The following GGA1 variants were observed in gnomAD, a reference collection of about 807,000 sequenced individuals.
GGA1 encodes the protein ADP-ribosylation factor-binding protein GGA1.
In GGA1, 18 loss-of-function variants were observed where a neutral mutation model predicts 76.9. The observed-to-expected ratio is 0.23, with a 90% confidence interval of 0.16 to 0.35. The LOEUF (loss-of-function observed/expected upper bound fraction) is 0.35. Ranked by LOEUF, GGA1 falls within the 10% of genes least tolerant of loss-of-function variation. The pLI is 1.00. For missense variants in GGA1, 755 were observed against 859.0 expected (o/e 0.88, Z 1.51); for synonymous variants, 342 against 354.7 (o/e 0.96, Z 0.40).
rs995784660 is a variant in GGA1, at chr22:37,614,041, G to A, written c.44-149G>A. On this transcript the variant is annotated intron_variant, in intron 1 of 16. Coordinates refer to ENST00000343632, the MANE Select transcript of GGA1 (RefSeq NM_013365.5). ...TCTACACCCACAATCAGGTCTTGAG[G>A]CTGTCTGGGCAGGAAGGCAGGGGGA... 10 of 646,172 alleles carry A rather than the reference G, an allele frequency of 1.5e-5. No homozygotes were observed. The Admixed American group carries it at 2.1e-4, about 13-fold the overall frequency. The allele number at this position is 646,172 out of a possible 1,614,324, so 40.0% of individuals were successfully genotyped here.
intron 1 of GGA1, chr22:37,610,434 C>T (rs932429620): frequency 6.6e-6 from 1 of 152,160 alleles, no homozygotes; most frequent in Non-Finnish European, 1.5e-5. Flanking sequence ...ACCTCCACCT[C>T]CCGGGTTCAA....
intron 1 of GGA1, 33 bp downstream of exon 1, chr22:37,608,936 G>T: frequency 7.6e-7 from 1 of 1,321,402 alleles, no homozygotes; most frequent in African/African-American, 1.5e-5. Context: ...GGCCGGACCG[G>T]AACCGGAACC....
In GGA1 at chr22:37,630,104, A is replaced by C; in HGVS notation, c.1265A>C (p.Asp422Ala). The part of the protein sequence containing the change: ...TSLPASSGLD[D>A]LDLLGKTLLQ... ...CTGCCAGCAAGCAGCGGTCTGGACG[A>C]CCTAGACCTCCTGGGGAAGACCCTC... Residue 422 changes from aspartate to alanine, a missense_variant, in exon 13 of 17, where the codon GAC (aspartate) becomes GCC (alanine). Asp to Ala is a moderately radical substitution (Grantham distance 126). Coordinates refer to ENST00000343632, the MANE Select transcript of GGA1 (RefSeq NM_013365.5). 1 of 1,609,840 alleles carries C rather than the reference A, an allele frequency of 6.2e-7. No homozygotes were observed. Among genetic ancestry groups the C allele is most frequent in the Non-Finnish European group, 8.5e-7 (1 of 1,177,860 alleles).
At chr22:37,618,292 G>C (rs1929194907) in intron 3 of GGA1, 156 bp from the exon 4 acceptor site, 1 of 600,452 alleles carries the variant, frequency 1.7e-6, no homozygotes, top group South Asian at 1.9e-5. Context: ...ACCAGTCCCA[G>C]AGGCCTGTGT....
chr22:37,628,392 A>AC (rs1363353701), intron 11 of GGA1, among the ~76,000 whole-genome samples: 2 of 151,926 alleles, frequency 1.3e-5, no homozygotes, highest in Non-Finnish European at 2.9e-5. Context: ...TGAGGCTGTC[A>AC]CCCCCCAATA....
At chr22:37,630,674 C>T (rs955080752) in intron 13 of GGA1, 2 of 545,832 alleles carry the variant, frequency 3.7e-6, no homozygotes, top group Non-Finnish European at 6.4e-6. Context: ...TCAAGCGATT[C>T]TCCTACGTCA....
chr22:37,624,914 G>A lies in GGA1; in HGVS notation c.833-55G>A, dbSNP rs778398925. ...GGATGTGGGGTCCTCGTCCCCTGCC[G>A]CCCAGAGGCCCCCACAGTCCTTCAG... On this transcript the variant is annotated intron_variant, in intron 9 of 16. Transcript: ENST00000343632. The surrounding 1 kb of genome is among the most constrained non-coding windows in gnomAD (Gnocchi z 4.3). The A allele has an allele frequency of 4.3e-5, 66 of 1,536,312 alleles. No homozygotes were observed. Among genetic ancestry groups the A allele is most frequent in the Non-Finnish European group, 5.4e-5 (61 of 1,136,716 alleles).
intron 12 of GGA1, 43 bp downstream of exon 12, chr22:37,629,569 G>T (rs1302749604): frequency 2.4e-6 from 3 of 1,266,280 alleles, no homozygotes; most frequent in Non-Finnish European, 3.3e-6. Context: ...CCCAGTCCCA[G>T]GGTCAGGGCA....
In GGA1 at chr22:37,609,070, G is replaced by C. The variant is rs1926942467; in HGVS notation, c.43+167G>C. 4 of 1,490,530 alleles carry C rather than the reference G, an allele frequency of 2.7e-6. No individual in the cohort carries two copies. In the South Asian group the frequency reaches 5.0e-5, roughly 19 times the overall value. 92.3% of individuals were successfully genotyped at this position (1,490,530 alleles called of 1,614,324 possible). A position where few individuals can be genotyped will look rare whatever the true frequency, so the allele number is the denominator to read the frequency against. On this transcript the variant is annotated intron_variant, in intron 1 of 16. Coordinates refer to ENST00000343632, the MANE Select transcript of GGA1 (RefSeq NM_013365.5). The stretch of plus-strand genomic sequence containing the variant: ...GCCCCTCAGACCCTGGAGCGATGGA[G>C]GACCCCGGCCCCGGCGCGGTCCAGC...
chr22:37,625,054 T>C lies in GGA1; in HGVS notation c.918T>C (p.Asp306=). 2.5e-6 allele frequency: 4 copies of C among 1,598,264 alleles called. No homozygotes were observed. Among genetic ancestry groups the C allele is most frequent in the Non-Finnish European group, 3.4e-6 (4 of 1,173,100 alleles). Residue 306 remains aspartate (D), a synonymous_variant, in exon 10 of 17, where the codon GAT becomes GAC. Coordinates refer to ENST00000343632, the MANE Select transcript of GGA1 (RefSeq NM_013365.5). The surrounding 1 kb of genome is among the most constrained non-coding windows in gnomAD (Gnocchi z 4.1). ...QLVRGEEVNG[D]ATAGSIPGST... ...TGCGGGGTGAGGAGGTCAACGGTGA[T>C]GCCACAGCCGGCTCCATCCCTGGTG... is the stretch of plus-strand genomic sequence containing the variant.
In GGA1 at chr22:37,632,010, G is replaced by T. The variant is rs1336293022; in HGVS notation, c.1543G>T (p.Val515Leu). The change falls in exon 15 of 17, where the codon GTG (valine) becomes TTG (leucine). Residue 515 changes from valine (V) to leucine (L), a missense_variant. Transcript: ENST00000343632. This position sits in a 1 kb window ranked among gnomAD's most constrained non-coding sequence, Gnocchi z 5.1. ...TTCTCCCACAGGCAACATCCTGCCC[G>T]TGACTGTGTATGACCAGCACGGCTT... The part of the protein sequence containing the change: ...ESIKPSNILP[V>L]TVYDQHGFRI... The T allele has an allele frequency of 6.2e-7, 1 of 1,611,026 alleles. No individual in the cohort carries two copies.
At chr22:37,631,199 G>A (rs551604800) in intron 14 of GGA1, 100 bp downstream of exon 14, 2 of 989,350 alleles carry the variant, frequency 2.0e-6, no homozygotes, top group African/African-American at 1.7e-5. Context: ...GGCTCCCCTG[G>A]CTCTGCCACT....
At chr22:37,613,063 C>G (rs187632405) in intron 1 of GGA1, 338 of 985,196 alleles carry the variant, frequency 3.4e-4, no homozygotes, top group Non-Finnish European at 3.8e-4. Flanking sequence ...GATGCAGTGC[C>G]GTAGCAGGCT....
Position 37,629,628 on chromosome 22 carries a change from C to G in GGA1, c.1158+102C>G. ...ACTAAAAGGATGGATGGGCTCTACTCAAGAGCCCAGGGCCAGGGGGTGGCC... is the reference window on the plus strand; with the variant it reads ...ACTAAAAGGATGGATGGGCTCTACTGAAGAGCCCAGGGCCAGGGGGTGGCC... On this transcript the variant is annotated intron_variant, in intron 12 of 16. Transcript: ENST00000343632. 1.3e-5 allele frequency: 10 copies of G among 745,160 alleles called. No individual in the cohort carries two copies. In the South Asian group the frequency reaches 2.0e-4, roughly 15 times the overall value. The allele number at this position is 745,160 out of a possible 1,614,324, so 46.2% of individuals were successfully genotyped here.
At position 37,624,686 on chromosome 22, in the gene GGA1, G is replaced by C; in HGVS notation, c.833-283G>C. On this transcript the variant is annotated intron_variant, in intron 9 of 16. Coordinates refer to ENST00000343632, the MANE Select transcript of GGA1 (RefSeq NM_013365.5). This position sits in a 1 kb window ranked among gnomAD's most constrained non-coding sequence, Gnocchi z 4.3. The stretch of plus-strand genomic sequence containing the variant: ...GGGATGAAGCCATGCAGAGATCTGG[G>C]GCAGCCAGAGAGCAGAGCTGGAGTG... The C allele has an allele frequency of 2.7e-6, 1 of 375,644 alleles. No homozygotes were observed. The highest frequency in any genetic ancestry group is 5.2e-6 in the Non-Finnish European group (1 of 193,838). The allele number at this position is 375,644 out of a possible 1,614,324, so 23.3% of individuals were successfully genotyped here. A position where few individuals can be genotyped will look rare whatever the true frequency, so the allele number is the denominator to read the frequency against.
In GGA1 at chr22:37,632,542, G is replaced by C. The variant is rs762194198; in HGVS notation, c.1809+27G>C. On this transcript the variant is annotated intron_variant, in intron 16 of 16. Transcript: ENST00000343632. This position sits in a 1 kb window ranked among gnomAD's most constrained non-coding sequence, Gnocchi z 5.1. Reference sequence around the variant, plus strand: ...TAAGGGGCCCCCAGGCAGTGCTGCAGGGTGGGGACGGCCACTTCTCCTCCT... The same window carrying C: ...TAAGGGGCCCCCAGGCAGTGCTGCACGGTGGGGACGGCCACTTCTCCTCCT... The C allele has an allele frequency of 8.2e-6, 13 of 1,584,704 alleles. No homozygotes were observed. Among genetic ancestry groups the C allele is most frequent in the Non-Finnish European group, 1.0e-5 (12 of 1,153,470 alleles).
rs1377832515 is a variant in GGA1, at chr22:37,630,169, T to A, written c.1330T>A (p.Trp444Arg). 2 of 1,571,516 alleles carry A rather than the reference T, an allele frequency of 1.3e-6. No homozygotes were observed. The highest frequency in any genetic ancestry group is 1.7e-6 in the Non-Finnish European group (2 of 1,160,818). ...GCCCCCGGAATCCCAGCAAGTGCGGTGGTGAGGGCCCACCATGGCTGGCAT... is the reference window on the plus strand; with the variant it reads ...GCCCCCGGAATCCCAGCAAGTGCGGAGGTGAGGGCCCACCATGGCTGGCAT... ...SLPPESQQVR[W>R]EKQQPTPRLT... Residue 444 changes from tryptophan (W) to arginine (R), a missense_variant and splice_region_variant, in exon 13 of 17, where the codon TGG (tryptophan) becomes AGG (arginine). Coordinates refer to ENST00000343632, the MANE Select transcript of GGA1 (RefSeq NM_013365.5).
rs568414323 is a variant in GGA1 at position 37,616,002 on chromosome 22, G to A, written c.129-920G>A. ...ACTACAGGCGCCTGCCACCACACCC[G>A]GCTAATTTTTTTGTATTTTTTAGTA... On this transcript the variant is annotated intron_variant, in intron 2 of 16. Transcript: ENST00000343632. 1.7e-4 allele frequency among the ~76,000 whole-genome samples: 26 copies of A among 151,936 alleles called. No homozygotes were observed. In the South Asian group the frequency reaches 2.7e-3, roughly 16 times the overall value.
chr22:37,612,006 T>G (rs1927709085), intron 1 of GGA1, among the ~76,000 whole-genome samples: 1 of 151,490 alleles, frequency 6.6e-6, no homozygotes. Flanking sequence ...ACAAAAAAAT[T>G]AGCTGGGCAT....
Sources: allele counts gnomAD v4.1 joint callset (sites outside exome capture counted in the v4.1 genomes callset), GRCh38; gene constraint gnomAD v4.1.1; non-coding constraint Gnocchi (gnomAD v3.1); transcripts MANE v1.5; gene names NCBI Gene and HGNC (gene_info 2026-07-23, HGNC 2026-07-21).